IFT70A: variants seen among roughly 807,000 people sequenced by gnomAD.
The protein encoded by IFT70A is intraflagellar transport 70A.
chr2:177,617,075 G>C, the IFT70A span: 2 of 1,613,614 alleles, frequency 1.2e-6, no homozygotes, highest in Non-Finnish European at 1.7e-6. Context: ...ACAATGCAGA[G>C]ATGGTACATT....
the IFT70A span, chr2:177,618,407 T>C: frequency 1.9e-6 from 3 of 1,612,772 alleles, no homozygotes; most frequent in Non-Finnish European, 2.5e-6. Flanking sequence ...GCGACCCGAG[T>C]GGCCTCCGGA....
chr2:177,618,616 T>C, the IFT70A span: 1 of 1,609,204 alleles, frequency 6.2e-7, no homozygotes, highest in Non-Finnish European at 8.5e-7. Context: ...CTGCACCGCC[T>C]CGGCGTAGCG....
At chr2:177,618,741 AGGGCAACC>A in the IFT70A span, 142 of 1,505,550 alleles carry the variant, frequency 9.4e-5, 2 homozygotes, top group East Asian at 1.7e-3. Context: ...CCACGGCAAC[AGGGCAACC>A]GGGCAACCGG....
chr2:177,618,349 A>C, the IFT70A span: 2 of 1,613,572 alleles, frequency 1.2e-6, no homozygotes, highest in African/African-American at 2.7e-5. Context: ...GGCAGCTTGC[A>C]GGCGGAGGAC....
chr2:177,618,357 GA>G, the IFT70A span: 1 of 1,613,536 alleles, frequency 6.2e-7, no homozygotes, highest in Non-Finnish European at 8.5e-7. Flanking sequence ...GCAGGCGGAG[GA>G]CCCGGCTGTG....
the IFT70A span, chr2:177,616,971 C>T: frequency 1.2e-6 from 2 of 1,611,368 alleles, no homozygotes; most frequent in Non-Finnish European, 1.7e-6. Flanking sequence ...CTGTTCCCAG[C>T]TTTTTATTAT....
the IFT70A span, chr2:177,613,269 A>G: frequency 1.3e-5 from 2 of 152,234 alleles, no homozygotes; most frequent in Non-Finnish European, 2.9e-5. Flanking sequence ...CTTTTCCAGT[A>G]AACATACAAA....
the IFT70A span, chr2:177,618,152 A>T: frequency 7.4e-6 from 12 of 1,614,250 alleles, no homozygotes; most frequent in Middle Eastern, 4.9e-4. Context: ...TGGTAGCCCG[A>T]GGCCTGCAGT....
the IFT70A span, chr2:177,618,672 G>C: frequency 6.3e-7 from 1 of 1,596,044 alleles, no homozygotes; most frequent in Non-Finnish European, 8.5e-7. Flanking sequence ...ACTCCCCGTC[G>C]GGGATCTGCG....
chr2:177,618,154 G>A, the IFT70A span: 2 of 1,614,136 alleles, frequency 1.2e-6, no homozygotes, highest in Admixed American at 1.7e-5. Flanking sequence ...GTAGCCCGAG[G>A]CCTGCAGTGT....
the IFT70A span, chr2:177,614,147 G>T: frequency 1.3e-5 from 2 of 151,964 alleles, no homozygotes; most frequent in Non-Finnish European, 2.9e-5. Flanking sequence ...ATTAATAGTG[G>T]TATCAAGTAT....
the IFT70A span, chr2:177,618,310 C>T: frequency 2.5e-5 from 40 of 1,614,002 alleles, no homozygotes; most frequent in Non-Finnish European, 3.4e-5. Context: ...GCTCCTGGAC[C>T]CTGGCAGATC....
At chr2:177,614,211 C>T in the IFT70A span, 9 of 152,060 alleles carry the variant, frequency 5.9e-5, no homozygotes, top group African/African-American at 1.4e-4. Flanking sequence ...AACACTATAC[C>T]TATGGCTAGT....
At chr2:177,617,213 T>G in the IFT70A span, 1 of 1,603,404 alleles carries the variant, frequency 6.2e-7, no homozygotes. Flanking sequence ...ACAATAGCAC[T>G]GACATTCAGG....
the IFT70A span, chr2:177,614,914 C>T: frequency 6.6e-6 from 1 of 152,138 alleles, no homozygotes; most frequent in Non-Finnish European, 1.5e-5. Context: ...TGGCTTTGAC[C>T]TTTTGGAAAG....
the IFT70A span, chr2:177,618,655 G>A: frequency 2.7e-5 from 44 of 1,605,786 alleles, no homozygotes; most frequent in Middle Eastern, 6.6e-4. Context: ...GTACACTAGC[G>A]CGGTAAACTC....
At chr2:177,617,992 C>A in the IFT70A span, 2 of 1,614,200 alleles carry the variant, frequency 1.2e-6, no homozygotes, top group Non-Finnish European at 1.7e-6. Flanking sequence ...GCCAACACTG[C>A]GAACATCAAA....
At chr2:177,616,999 A>T in the IFT70A span, 1 of 1,613,192 alleles carries the variant, frequency 6.2e-7, no homozygotes, top group Non-Finnish European at 8.5e-7. Context: ...CAAGCTTTTG[A>T]TAACTCGAGA....
chr2:177,618,026 C>G, the IFT70A span: 2 of 1,614,094 alleles, frequency 1.2e-6, no homozygotes, highest in Admixed American at 1.7e-5. Flanking sequence ...ATGCCCACAC[C>G]TAGCTCAGGA....
Sources: allele counts gnomAD v4.1 joint callset, GRCh38; gene constraint gnomAD v4.1.1; transcripts MANE v1.5; gene names NCBI Gene and HGNC (gene_info 2026-07-23, HGNC 2026-07-21).